Variants in ARHGEF18 observed in about 807,000 individuals in gnomAD.
The protein encoded by ARHGEF18 is Rho/Rac guanine nucleotide exchange factor 18, also known as rho guanine nucleotide exchange factor 18.
Under a neutral mutation model 155.7 loss-of-function variants are expected in ARHGEF18, and 93 were observed. That is an observed-to-expected ratio of 0.60 (90% CI 0.50 to 0.71). The LOEUF (loss-of-function observed/expected upper bound fraction) is 0.71, where lower values mean the gene tolerates loss of function less well. ARHGEF18 is among the 30% of genes least tolerant of loss of function. The pLI is 0.00. For missense variants in ARHGEF18, 1,593 were observed against 1,816.1 expected, an observed-to-expected ratio of 0.88 and a Z score of 2.23; for synonymous variants, 742 against 753.1, an observed-to-expected ratio of 0.99 and a Z score of 0.24.
At chr19:7,469,750 G>T (rs1473547849) in intron 27 of ARHGEF18, among the ~76,000 whole-genome samples, 154 bp from the exon 28 acceptor site, 1 of 152,072 alleles carries the variant, frequency 6.6e-6, no homozygotes, top group Non-Finnish European at 1.5e-5. Context: ...TGAATCTGGG[G>T]CTTAGCATCT....
Position 7,431,389 on chromosome 19 carries a change from C to T in ARHGEF18, c.968-8955C>T, listed in dbSNP as rs141683848. Among the ~76,000 whole-genome samples the T allele has an allele frequency of 4.2e-4, 64 of 150,664 alleles. 1 individual carries two copies. The East Asian group carries it at 6.7e-3, about 16-fold the overall frequency. On this transcript the variant is annotated intron_variant, in intron 10 of 28. Transcript: ENST00000668164. ...AAAATTAGCTGGGCATGGATGTGGGCGGCCATAATCCCAGCTACTCAGGAG... is the reference window on the plus strand; with the variant it reads ...AAAATTAGCTGGGCATGGATGTGGGTGGCCATAATCCCAGCTACTCAGGAG...
chr19:7,410,971 G>C (rs1199218801), intron 10 of ARHGEF18, among the ~76,000 whole-genome samples: 2 of 152,116 alleles, frequency 1.3e-5, no homozygotes, highest in East Asian at 3.9e-4. Context: ...TCAGCATCTG[G>C]CCTGTACCCA....
chr19:7,414,072 G>A (rs556180644), intron 10 of ARHGEF18, among the ~76,000 whole-genome samples: 2 of 152,230 alleles, frequency 1.3e-5, no homozygotes, highest in South Asian at 2.1e-4. Context: ...CCTAGATACT[G>A]TAGGCATTTG....
At chr19:7,472,978 G>A (rs111852362), downstream of ARHGEF18, 14,556 of 455,794 alleles carry the variant, frequency 0.032, 488 homozygotes, top group South Asian at 0.085. Flanking sequence ...CTGGGATTAC[G>A]GGCACAGGGC....
In ARHGEF18 at chr19:7,462,458, T is replaced by TG. The variant is rs3214464; in HGVS notation, c.2635+132dup. Reference sequence around the variant, plus strand: ...ACCCTGTCCAGGACAGGCTTCTATGTGGGGGGGGCCCAGGAGCAGCACTGA... The same window carrying TG: ...ACCCTGTCCAGGACAGGCTTCTATGTGGGGGGGGGCCCAGGAGCAGCACTGA... On this transcript the variant is annotated intron_variant, in intron 21 of 28. Coordinates refer to ENST00000668164, the MANE Select transcript of ARHGEF18 (RefSeq NM_001367823.1). This position sits in a 1 kb window ranked among gnomAD's most constrained non-coding sequence, Gnocchi z 4.4. 134 of 1,093,210 alleles carry TG rather than the reference T, an allele frequency of 1.2e-4. No homozygotes were observed. The highest frequency in any genetic ancestry group is 1.6e-4 in the Non-Finnish European group (126 of 791,464). The allele number at this position is 1,093,210 out of a possible 1,614,324, so 67.7% of individuals were successfully genotyped here.
chr19:7,441,602 G>A (rs759301823), intron 11 of ARHGEF18, 51 bp from the exon 12 acceptor site: 13 of 1,426,712 alleles, frequency 9.1e-6, no homozygotes, highest in Non-Finnish European at 1.2e-5. Context: ...ATGAGGTCGT[G>A]TGTGTTTAAT....
intron 1 of ARHGEF18, among the ~76,000 whole-genome samples, chr19:7,353,258 G>A (rs574228112): frequency 6.6e-6 from 1 of 151,992 alleles, no homozygotes; most frequent in African/African-American, 2.4e-5. Flanking sequence ...CTTGGTGGGA[G>A]AATAAATCTG....
At chr19:7,424,734 G>A (rs1973555088) in intron 10 of ARHGEF18, among the ~76,000 whole-genome samples, 2 of 152,140 alleles carry the variant, frequency 1.3e-5, no homozygotes, top group Admixed American at 6.5e-5. Context: ...GGTGGCTCAC[G>A]CCTGTAATCC....
At chr19:7,405,081 C>T (rs1972231515) in intron 10 of ARHGEF18, among the ~76,000 whole-genome samples, 1 of 152,110 alleles carries the variant, frequency 6.6e-6, no homozygotes, top group Admixed American at 6.6e-5. Flanking sequence ...CCTCAGCCTC[C>T]CCAGTAACTG....
intron 10 of ARHGEF18, among the ~76,000 whole-genome samples, chr19:7,406,241 C>T (rs1354300506): frequency 1.3e-5 from 2 of 152,084 alleles, no homozygotes; most frequent in South Asian, 4.1e-4. Context: ...CGTGCCACCA[C>T]GCTTGGCTAA....
chr19:7,434,973 G>C (rs1161025388), intron 10 of ARHGEF18, among the ~76,000 whole-genome samples: 1 of 152,178 alleles, frequency 6.6e-6, no homozygotes, highest in African/African-American at 2.4e-5. Context: ...AGGCCAAGGC[G>C]GGCGGATCAC....
chr19:7,453,577 G>A lies in ARHGEF18; in HGVS notation c.1966G>A (p.Glu656Lys). ...GTGTGAGAAGGGCCAGCGCCTCAGG[G>A]AGATCGCAGGGAAGATGGACCTGAA... ...SECEKGQRLREIAGKMDLKSS... is the reference protein window; with the variant it reads ...SECEKGQRLRKIAGKMDLKSS... The change falls in exon 17 of 29, where the codon GAG becomes AAG. Residue 656 changes from glutamate to lysine, a missense_variant. Transcript: ENST00000668164. 6.2e-7 allele frequency: 1 copy of A among 1,614,058 alleles called. No homozygotes were observed. Among genetic ancestry groups the A allele is most frequent in the South Asian group, 1.1e-5 (1 of 91,058 alleles).
intron 20 of ARHGEF18, among the ~76,000 whole-genome samples, chr19:7,460,694 C>T (rs916516467): frequency 2.0e-5 from 3 of 152,156 alleles, no homozygotes; most frequent in Non-Finnish European, 2.9e-5. Context: ...GGTTCGCCCG[C>T]GCTCAGTGAG....
At position 7,462,006 on chromosome 19, in the gene ARHGEF18, A is replaced by G. The variant is rs967620063; in HGVS notation, c.2453-146A>G. On this transcript the variant is annotated intron_variant, in intron 20 of 28. Coordinates refer to ENST00000668164, the MANE Select transcript of ARHGEF18 (RefSeq NM_001367823.1). This position sits in a 1 kb window ranked among gnomAD's most constrained non-coding sequence, Gnocchi z 4.4. ...AGAGGACAAGGCCATGCCCTCCCCT[A>G]CCTCCCAGGAATGCAGGACACAAGG... 1 of 863,036 alleles carries G rather than the reference A, an allele frequency of 1.2e-6. No individual in the cohort carries two copies. The highest frequency in any genetic ancestry group is 1.8e-6 in the Non-Finnish European group (1 of 540,824). The allele number at this position is 863,036 out of a possible 1,614,324, so 53.5% of individuals were successfully genotyped here. A position where few individuals can be genotyped will look rare whatever the true frequency, so the allele number is the denominator to read the frequency against.
In ARHGEF18 at chr19:7,446,802, A is replaced by G. The variant is rs539414684; in HGVS notation, c.1612-241A>G. On this transcript the variant is annotated intron_variant, in intron 14 of 28. Coordinates refer to ENST00000668164, the MANE Select transcript of ARHGEF18 (RefSeq NM_001367823.1). Reference sequence around the variant, plus strand: ...TCCCAGCTACTTGGGAGACTACAGCAGGAGCATCGCTTGATCCCGGGAGAC... The same window carrying G: ...TCCCAGCTACTTGGGAGACTACAGCGGGAGCATCGCTTGATCCCGGGAGAC... Among the ~76,000 whole-genome samples, 6 of 151,698 alleles carry G rather than the reference A, an allele frequency of 4.0e-5. No homozygotes were observed. The East Asian group carries it at 1.2e-3, about 30-fold the overall frequency.
rs533339037 is a variant in ARHGEF18 at position 7,404,083 on chromosome 19, G to C, written c.967+20880G>C. Reference sequence around the variant, plus strand: ...ACTCCGTCTCAAAAAAAAAAAAAGAGATCCTCCTGCCTCAGCCTCACAGAG... The same window carrying C: ...ACTCCGTCTCAAAAAAAAAAAAAGACATCCTCCTGCCTCAGCCTCACAGAG... On this transcript the variant is annotated intron_variant, in intron 10 of 28. Transcript: ENST00000668164. 3.4e-3 allele frequency among the ~76,000 whole-genome samples: 517 copies of C among 151,802 alleles called. 1 individual carries two copies. The highest frequency in any genetic ancestry group is 0.012 in the African/African-American group (491 of 41,342).
At chr19:7,381,673 G>A (rs937795850) in intron 8 of ARHGEF18, among the ~76,000 whole-genome samples, 10 of 143,648 alleles carry the variant, frequency 7.0e-5, no homozygotes, top group Middle Eastern at 3.4e-3. Context: ...GTGAAACTCC[G>A]TCTCAAAAAT....
chr19:7,376,838 GT>G (rs2057801361), intron 5 of ARHGEF18, 81 bp downstream of exon 5: 2 of 1,007,204 alleles, frequency 2.0e-6, no homozygotes, highest in Non-Finnish European at 2.6e-6. Context: ...CCCTGTTGGG[GT>G]TTCATCCTTC....
At position 7,470,055 on chromosome 19, in the gene ARHGEF18, C is replaced by T. The variant is rs770532501; in HGVS notation, c.3913+26C>T. ...GTGAGCCCCCACCCCCTGACATGAG[C>T]CCAGTCCCAGGGCAGCGGGGCTGCG... On this transcript the variant is annotated intron_variant, in intron 28 of 28. Transcript: ENST00000668164. This position sits in a 1 kb window ranked among gnomAD's most constrained non-coding sequence, Gnocchi z 5.9. The T allele has an allele frequency of 6.2e-7, 1 of 1,611,948 alleles. No individual in the cohort carries two copies. Among genetic ancestry groups the T allele is most frequent in the South Asian group, 1.1e-5 (1 of 90,976 alleles).
Sources: gnomAD v4.1 joint callset for allele counts (sites outside exome capture counted in the v4.1 genomes callset) on GRCh38, gnomAD v4.1.1 for gene constraint, Gnocchi (gnomAD v3.1) non-coding constraint, MANE v1.5 for transcripts, NCBI Gene and HGNC (gene_info 2026-07-23, HGNC 2026-07-21) for gene names.